The following POLG variants were observed in gnomAD, a reference collection of about 807,000 sequenced individuals.
POLG encodes DNA polymerase subunit gamma-1.
Under a neutral mutation model 155.4 loss-of-function variants are expected in POLG, and 110 were observed. The observed-to-expected ratio is 0.71, with a 90% confidence interval of 0.61 to 0.83. The LOEUF (loss-of-function observed/expected upper bound fraction) is 0.83, where lower values mean the gene tolerates loss of function less well. Ranked by LOEUF, POLG falls within the 40% of genes least tolerant of loss-of-function variation. The probability of loss-of-function intolerance (pLI) is 0.00; values close to 1 mark genes in which losing one functional copy is unlikely to be tolerated. For missense variants in POLG, 1,685 were observed against 1,627.5 expected, an observed-to-expected ratio of 1.04 and a Z score of -0.61; for synonymous variants, 701 against 631.5, an observed-to-expected ratio of 1.11 and a Z score of -1.65.
chr15:89,320,051 C>G (rs2055371965), intron 18 of POLG, among the ~76,000 whole-genome samples: 1 of 152,242 alleles, frequency 6.6e-6, no homozygotes, highest in African/African-American at 2.4e-5. Flanking sequence ...CCTTACCCGA[C>G]CTCACTTTAT....
intron 10 of POLG, among the ~76,000 whole-genome samples, chr15:89,325,123 T>TGAGAGAGTGAGAGAGA (rs1567189427): frequency 5.1e-5 from 2 of 39,302 alleles, no homozygotes; most frequent in African/African-American, 2.5e-4. Context: ...AGTGAGTGAG[T>TGAGAGAGTGAGAGAGA]GAGTGAGAGA....
intron 12 of POLG, 82 bp downstream of exon 12, chr15:89,323,733 G>T: frequency 1.7e-6 from 2 of 1,186,176 alleles, no homozygotes; most frequent in Non-Finnish European, 2.5e-6. Flanking sequence ...AGGGAACTCT[G>T]GCTGGGAAGA....
intron 19 of POLG, 32 bp downstream of exon 19, chr15:89,319,195 TC>T (rs1286357082): frequency 6.2e-7 from 1 of 1,614,022 alleles, no homozygotes; most frequent in African/African-American, 1.3e-5. Context: ...CCCAGACCCC[TC>T]CCTCCATCCT....
rs1407401804 is a variant in POLG at position 89,333,443 on chromosome 15, G to A, written c.312C>T (p.Val104=). 4.3e-6 allele frequency: 7 copies of A among 1,609,792 alleles called. No individual in the cohort carries two copies. The highest frequency in any genetic ancestry group is 1.1e-5 in the South Asian group (1 of 91,074). ...MPGEAAVRRS[V]EHLQKHGLWG... ...AGAGCCCGTGCTTCTGCAGGTGCTC[G>A]ACGCTGCGGCGCACCGCGGCCTCGC... Residue 104 remains valine, a synonymous_variant, in exon 2 of 23, where the codon GTC becomes GTT. Transcript: ENST00000268124.
At chr15:89,317,095 A>G (rs949657346) in intron 22 of POLG, 1 of 592,034 alleles carries the variant, frequency 1.7e-6, no homozygotes, top group Non-Finnish European at 3.0e-6. Flanking sequence ...ATAGAGTGCA[A>G]GAATGCACTC....
Position 89,327,273 on chromosome 15 carries a change from G to A in POLG, c.1327C>T (p.Arg443Cys), listed in dbSNP as rs747485523. ...SYLPVNQNWERYLAEAQGTYE... is the reference protein window; with the variant it reads ...SYLPVNQNWECYLAEAQGTYE... The stretch of plus-strand genomic sequence containing the variant: ...GTGCCCTGTGCCTCTGCCAGGTAAC[G>A]CTCCCAGTTCTGGTTGACAGGCAGG... Residue 443 changes from arginine to cysteine, a missense_variant, in exon 7 of 23, where the codon CGT becomes TGT. This residue lies in a region of POLG where 1,210 missense variants were observed against 1,167.1 expected (regional missense o/e 1.04). Transcript: ENST00000268124. 5.6e-6 allele frequency: 9 copies of A among 1,613,988 alleles called. No homozygotes were observed. Among genetic ancestry groups the A allele is most frequent in the African/African-American group, 2.7e-5 (2 of 74,922 alleles).
In POLG at chr15:89,325,263, T is replaced by TGA. The variant is rs1488835754; in HGVS notation, c.1949+185_1949+186dup. Among the ~76,000 whole-genome samples, 7 of 96,954 alleles carry TGA rather than the reference T, an allele frequency of 7.2e-5. 3 individuals are homozygous for TGA. Among genetic ancestry groups the TGA allele is most frequent in the African/African-American group, 5.0e-4 (7 of 14,108 alleles). The allele number at this position is 96,954 out of a possible 152,430, so 63.6% of individuals were successfully genotyped here. A position where few individuals can be genotyped will look rare whatever the true frequency, so the allele number is the denominator to read the frequency against. ...GTGAGTGAGTGAGAGAGAGAGTGAG[T>TGA]GAGTGAGTGAGAGAGAGAGAAAGAG... On this transcript the variant is annotated intron_variant, in intron 10 of 22. Coordinates refer to ENST00000268124, the MANE Select transcript of POLG (RefSeq NM_002693.3).
At chr15:89,328,409 C>A in intron 6 of POLG, 47 bp downstream of exon 6, 1 of 1,480,954 alleles carries the variant, frequency 6.8e-7, no homozygotes. Context: ...GCCCGGGTAC[C>A]AGGAACACAC....
chr15:89,333,644 G>T lies in POLG; in HGVS notation c.111C>A (p.Asp37Glu), dbSNP rs1380599126. ...SSSVPASDPS[D>E]GQRRRQQQQQ... ...GCTGCTGCTGCCGCCGCCGCTGCCCGTCGCTGGGGTCGGACGCGGGGACGG... is the reference window on the plus strand; with the variant it reads ...GCTGCTGCTGCCGCCGCCGCTGCCCTTCGCTGGGGTCGGACGCGGGGACGG... The change falls in exon 2 of 23, where the codon GAC becomes GAA. Residue 37 changes from aspartate to glutamate, a missense_variant. Physicochemically the swap from Asp to Glu is conservative, Grantham distance 45 (BLOSUM62 2). This residue lies in a region of POLG where 1,210 missense variants were observed against 1,167.1 expected (regional missense o/e 1.04). Coordinates refer to ENST00000268124, the MANE Select transcript of POLG (RefSeq NM_002693.3). 1.9e-6 allele frequency: 3 copies of T among 1,585,286 alleles called. No individual in the cohort carries two copies. Among genetic ancestry groups the T allele is most frequent in the East Asian group, 2.3e-5 (1 of 43,610 alleles).
chr15:89,318,899 C>T (rs781461415), intron 20 of POLG, 32 bp downstream of exon 20: 24 of 1,613,198 alleles, frequency 1.5e-5, no homozygotes, highest in Non-Finnish European at 2.0e-5. Flanking sequence ...CCCTGGGGCC[C>T]CTCTGCCCAT....
At chr15:89,322,280 C>T (rs2055407638) in intron 14 of POLG, among the ~76,000 whole-genome samples, 1 of 152,226 alleles carries the variant, frequency 6.6e-6, no homozygotes, top group Non-Finnish European at 1.5e-5. Context: ...GGCGCTCCTT[C>T]CACCAATGCC....
chr15:89,318,136 TAAC>T (rs1451014211), intron 21 of POLG: 2 of 196,140 alleles, frequency 1.0e-5, no homozygotes, highest in Non-Finnish European at 2.1e-5. Flanking sequence ...AGCAGTCAAA[TAAC>T]AAACTTTTGG....
Position 89,316,863 on chromosome 15 carries a change from C to A in POLG, c.3644-36G>T. Reference sequence around the variant, plus strand: ...GTGCAAATTGGTTAGGATGCCACCTCAAGAACTGTAACTGAGAGCTCAGAA... The same window carrying A: ...GTGCAAATTGGTTAGGATGCCACCTAAAGAACTGTAACTGAGAGCTCAGAA... On this transcript the variant is annotated intron_variant, in intron 22 of 22. Transcript: ENST00000268124. 2 of 1,458,128 alleles carry A rather than the reference C, an allele frequency of 1.4e-6. No individual in the cohort carries two copies. The highest frequency in any genetic ancestry group is 1.1e-5 in the South Asian group (1 of 87,936). The allele number at this position is 1,458,128 out of a possible 1,614,324, so 90.3% of individuals were successfully genotyped here.
chr15:89,318,586 C>T lies in POLG; in HGVS notation c.3437G>A (p.Arg1146His), dbSNP rs1202309863. The T allele has an allele frequency of 1.1e-5, 18 of 1,614,066 alleles. No individual in the cohort carries two copies. The highest frequency in any genetic ancestry group is 1.7e-5 in the Admixed American group (1 of 60,034). ...CTGCAAGGCCAGGGCAGCGCGGTAGCGGTCCTCCTCCCGCACCAGGTAGCG... is the reference window on the plus strand; with the variant it reads ...CTGCAAGGCCAGGGCAGCGCGGTAGTGGTCCTCCTCCCGCACCAGGTAGCG... ...EVRYLVREEDRYRAALALQIT... is the reference protein window; with the variant it reads ...EVRYLVREEDHYRAALALQIT... Residue 1146 changes from arginine to histidine, a missense_variant, in exon 21 of 23, where the codon CGC becomes CAC. Arg to His is a conservative substitution (Grantham distance 29, BLOSUM62 0). Transcript: ENST00000268124.
chr15:89,328,729 G>T lies in POLG; in HGVS notation c.1126C>A (p.Leu376Met). The T allele has an allele frequency of 6.2e-7, 1 of 1,614,130 alleles. No homozygotes were observed. The highest frequency in any genetic ancestry group is 8.5e-7 in the Non-Finnish European group (1 of 1,180,030). Residue 376 changes from leucine to methionine, a missense_variant, in exon 5 of 23, where the codon CTG (leucine) becomes ATG (methionine). Around this residue, in one of 3 missense-constraint regions of POLG, gnomAD observed 1,210 missense variants for 1,167.1 expected, o/e 1.04. Transcript: ENST00000268124. Reference sequence around the variant, plus strand: ...TCCTTCATGGTGCCCTTCACAAACAGTTCTCGAGGCTCCTTCTCTAAGGGA... The same window carrying T: ...TCCTTCATGGTGCCCTTCACAAACATTTCTCGAGGCTCCTTCTCTAAGGGA... ...GPPLEKEPRELFVKGTMKDIR... is the reference protein window; with the variant it reads ...GPPLEKEPREMFVKGTMKDIR...
In POLG at chr15:89,320,850, A is replaced by C. The variant is rs142347031; in HGVS notation, c.2897T>G (p.Leu966Arg). Reference protein sequence around the residue: ...GAGQPFAERLLMQFNHRLTQQ... With the variant: ...GAGQPFAERLRMQFNHRLTQQ... ...TGTGAGCCGGTGGTTAAACTGCATTAGTAAGCGCTCAGCAAAGGGCTGCCC... is the reference window on the plus strand; with the variant it reads ...TGTGAGCCGGTGGTTAAACTGCATTCGTAAGCGCTCAGCAAAGGGCTGCCC... The change falls in exon 18 of 23, where the codon CTA (leucine) becomes CGA (arginine). Residue 966 changes from leucine (L) to arginine (R), a missense_variant. Transcript: ENST00000268124. 4.2e-5 allele frequency: 68 copies of C among 1,614,034 alleles called. No homozygotes were observed. The highest frequency in any genetic ancestry group is 5.7e-5 in the Non-Finnish European group (67 of 1,180,014).
chr15:89,323,535 C>T (rs2152062963), intron 12 of POLG, 24 bp from the exon 13 acceptor site: 2 of 1,449,124 alleles, frequency 1.4e-6, no homozygotes, highest in South Asian at 2.3e-5. Context: ...ACACCTATAT[C>T]AGGCCCTGCT....
At chr15:89,319,656 T>C (rs1217073828) in intron 18 of POLG, among the ~76,000 whole-genome samples, 2 of 152,178 alleles carry the variant, frequency 1.3e-5, no homozygotes, top group Non-Finnish European at 2.9e-5. Flanking sequence ...GTCCTGTTTC[T>C]TTAGACACTG....
Position 89,325,406 on chromosome 15 carries a change from G to T in POLG, c.1949+44C>A, listed in dbSNP as rs762378430. ...CTGAGCTGACCAGCCAGGGGAAGGGGTCCCTAGGCTCCAGCCCCTTCCTCC... is the reference window on the plus strand; with the variant it reads ...CTGAGCTGACCAGCCAGGGGAAGGGTTCCCTAGGCTCCAGCCCCTTCCTCC... On this transcript the variant is annotated intron_variant, in intron 10 of 22. Transcript: ENST00000268124. The T allele has an allele frequency of 1.6e-5, 22 of 1,371,252 alleles. No individual in the cohort carries two copies. The African/African-American group carries it at 2.7e-4, about 17-fold the overall frequency. The allele number at this position is 1,371,252 out of a possible 1,614,324, so 84.9% of individuals were successfully genotyped here. A position where few individuals can be genotyped will look rare whatever the true frequency, so the allele number is the denominator to read the frequency against.
Sources: gnomAD v4.1 joint callset for allele counts (sites outside exome capture counted in the v4.1 genomes callset) on GRCh38, gnomAD v4.1.1 for gene constraint, gnomAD v4.1.1 regional missense constraint, MANE v1.5 for transcripts, NCBI Gene and HGNC (gene_info 2026-07-23, HGNC 2026-07-21) for gene names.